Variants in HS3ST5 observed in about 807,000 individuals in gnomAD.
The protein encoded by HS3ST5 is heparan sulfate glucosamine 3-O-sulfotransferase 5.
In HS3ST5, 10 loss-of-function variants were observed where a neutral mutation model predicts 25.4. That is an observed-to-expected ratio of 0.39 (90% confidence interval 0.24 to 0.67). HS3ST5 has a LOEUF of 0.67. Ranked by LOEUF, HS3ST5 falls within the 30% of genes least tolerant of loss-of-function variation. The probability of loss-of-function intolerance (pLI) is 0.44; values close to 1 mark genes in which losing one functional copy is unlikely to be tolerated. For missense variants in HS3ST5, 324 were observed against 420.7 expected (o/e 0.77, Z 2.01); for synonymous variants, 170 against 162.4 (o/e 1.05, Z -0.36).
intron 2 of HS3ST5, among the ~76,000 whole-genome samples, chr6:114,216,068 T>A (rs551361233): frequency 1.3e-5 from 2 of 152,346 alleles, no homozygotes; most frequent in African/African-American, 4.8e-5. Context: ...TAACTGCGGC[T>A]CTGCTGCATA....
At chr6:114,325,299 G>C (rs1776130385) in intron 1 of HS3ST5, among the ~76,000 whole-genome samples, 1 of 152,140 alleles carries the variant, frequency 6.6e-6, no homozygotes, top group African/African-American at 2.4e-5. Context: ...CCACAAAAGA[G>C]GTCTAGGCTT....
chr6:114,264,658 T>C (rs73542342), intron 1 of HS3ST5, among the ~76,000 whole-genome samples: 4,578 of 152,256 alleles, frequency 0.03, 89 homozygotes, highest in South Asian at 0.064. Flanking sequence ...TTCATTCCAT[T>C]AAGTAGGGAT....
chr6:114,263,086 G>A (rs1345380374), intron 1 of HS3ST5, among the ~76,000 whole-genome samples: 3 of 151,916 alleles, frequency 2.0e-5, no homozygotes, highest in Non-Finnish European at 2.9e-5. Context: ...TGAAAATAAG[G>A]GATAGGGAAA....
chr6:114,095,051 A>G (rs1775347691), intron 3 of HS3ST5, among the ~76,000 whole-genome samples: 1 of 152,104 alleles, frequency 6.6e-6, no homozygotes, highest in African/African-American at 2.4e-5. Flanking sequence ...GTCTTGTGAG[A>G]CTCTGAAGCA....
intron 2 of HS3ST5, among the ~76,000 whole-genome samples, chr6:114,225,838 CATTT>C (rs1186740924): frequency 2.0e-5 from 3 of 151,828 alleles, no homozygotes; most frequent in Non-Finnish European, 2.9e-5. Context: ...GACAAATGCA[CATTT>C]AGTTTTCCTA....
Position 114,093,555 on chromosome 6 carries a change from A to G in HS3ST5, c.-32-30678T>C, listed in dbSNP as rs1454853261. Among the ~76,000 whole-genome samples, 3 of 152,152 alleles carry G rather than the reference A, an allele frequency of 2.0e-5. No individual in the cohort carries two copies. The East Asian group carries it at 5.8e-4, about 29-fold the overall frequency. ...CTTCTTCCAACCTTCTGGCTCTGCC[A>G]TGGGCTTTGCCTTCTGAGTTCTGTT... is the stretch of plus-strand genomic sequence containing the variant. On this transcript the variant is annotated intron_variant, in intron 3 of 4. Transcript: ENST00000312719.
intron 2 of HS3ST5, among the ~76,000 whole-genome samples, chr6:114,199,812 A>G (rs2114359486): frequency 6.6e-6 from 1 of 152,310 alleles, no homozygotes; most frequent in Non-Finnish European, 1.5e-5. Flanking sequence ...TCTTTTTGAA[A>G]TGCAAACACC....
chr6:114,329,243 A>G (rs182964892), intron 1 of HS3ST5, among the ~76,000 whole-genome samples: 1 of 152,346 alleles, frequency 6.6e-6, no homozygotes, highest in African/African-American at 2.4e-5. Context: ...TTTCACTGAT[A>G]TTCAACCAGG....
chr6:114,171,165 G>A (rs1185755225), intron 2 of HS3ST5, among the ~76,000 whole-genome samples: 1 of 152,282 alleles, frequency 6.6e-6, no homozygotes, highest in East Asian at 1.9e-4. Flanking sequence ...ACTTTAAAGC[G>A]ATGTAAGTTT....
At chr6:114,169,715 G>T (rs998534022) in intron 2 of HS3ST5, among the ~76,000 whole-genome samples, 1 of 152,066 alleles carries the variant, frequency 6.6e-6, no homozygotes, top group Non-Finnish European at 1.5e-5. Flanking sequence ...CAAATAAACA[G>T]AAATCATTAT....
intron 1 of HS3ST5, among the ~76,000 whole-genome samples, chr6:114,276,248 T>A (rs1029781265): frequency 6.6e-6 from 1 of 151,700 alleles, no homozygotes; most frequent in Non-Finnish European, 1.5e-5. Context: ...GGGATTAGAA[T>A]CATTGACCTA....
chr6:114,225,279 A>T (rs1318296320), intron 2 of HS3ST5, among the ~76,000 whole-genome samples: 1 of 151,856 alleles, frequency 6.6e-6, no homozygotes, highest in Non-Finnish European at 1.5e-5. Flanking sequence ...GCATTGAAGG[A>T]AAGTTTGTAA....
intron 1 of HS3ST5, among the ~76,000 whole-genome samples, chr6:114,257,397 G>A (rs1336236410): frequency 6.6e-6 from 1 of 152,096 alleles, no homozygotes; most frequent in African/African-American, 2.4e-5. Flanking sequence ...CTATGATGTA[G>A]GTACTATTAT....
At chr6:114,125,960 G>A (rs974061616) in intron 3 of HS3ST5, among the ~76,000 whole-genome samples, 2 of 152,110 alleles carry the variant, frequency 1.3e-5, no homozygotes, top group Admixed American at 6.6e-5. Context: ...CTCAGAGACC[G>A]CTCAGAAAAA....
At chr6:114,084,828 C>A in intron 3 of HS3ST5, 5 of 592,996 alleles carry the variant, frequency 8.4e-6, no homozygotes, top group Non-Finnish European at 1.2e-5. Flanking sequence ...TTTTTCTTTT[C>A]TTTTCTTTTT....
At chr6:114,085,943 C>G (rs2114778993) in intron 3 of HS3ST5, among the ~76,000 whole-genome samples, 1 of 135,776 alleles carries the variant, frequency 7.4e-6, no homozygotes, top group East Asian at 2.5e-4. Flanking sequence ...TGCCCCCCCC[C>G]CCATTTAATC....
chr6:114,232,287 A>G (rs1180751554), intron 1 of HS3ST5, among the ~76,000 whole-genome samples: 1 of 152,200 alleles, frequency 6.6e-6, no homozygotes, highest in African/African-American at 2.4e-5. Context: ...TCTATGACCA[A>G]TCATTTGGTG....
chr6:114,318,452 A>G (rs1016202721), intron 1 of HS3ST5, among the ~76,000 whole-genome samples: 2 of 152,094 alleles, frequency 1.3e-5, no homozygotes, highest in Non-Finnish European at 2.9e-5. Context: ...ATTTTTTTTA[A>G]TAACTGTCTG....
At chr6:114,121,689 G>T (rs1264635946) in intron 3 of HS3ST5, among the ~76,000 whole-genome samples, 2 of 151,664 alleles carry the variant, frequency 1.3e-5, no homozygotes, top group Non-Finnish European at 2.9e-5. Context: ...TTAGTGCATG[G>T]CTTCCCATAT....
Sources: allele counts gnomAD v4.1 joint callset (sites outside exome capture counted in the v4.1 genomes callset), GRCh38; gene constraint gnomAD v4.1.1; transcripts MANE v1.5; gene names NCBI Gene and HGNC (gene_info 2026-07-23, HGNC 2026-07-21).